Variants in KIF26B observed in about 807,000 individuals in gnomAD.
The protein encoded by KIF26B is kinesin family member 26B.
Under a neutral mutation model 151.2 loss-of-function variants are expected in KIF26B, and 63 were observed. That is an observed-to-expected ratio of 0.42 (90% CI 0.34 to 0.51). The LOEUF is 0.51. Among genes scored for constraint, KIF26B ranks in the 20% least tolerant of loss-of-function variants. KIF26B has a pLI of 0.07. For synonymous variants in KIF26B, 1,357 were observed against 1,262.1 expected (o/e 1.08, Z -1.59); for missense variants, 2,813 against 2,913.6 (o/e 0.97, Z 0.79).
intron 3 of KIF26B, among the ~76,000 whole-genome samples, chr1:245,407,129 A>G (rs1572046452): frequency 6.6e-6 from 1 of 152,122 alleles, no homozygotes; most frequent in Non-Finnish European, 1.5e-5. Context: ...AGGGTGGCTC[A>G]ATTTTGTGAC....
intron 3 of KIF26B, among the ~76,000 whole-genome samples, chr1:245,380,720 G>A (rs963354862): frequency 5.3e-5 from 8 of 152,110 alleles, no homozygotes; most frequent in African/African-American, 4.8e-5. Context: ...GAAGGGGACC[G>A]ATTCCTCAGA....
At chr1:245,534,194 G>T (rs534478089) in intron 4 of KIF26B, among the ~76,000 whole-genome samples, 1 of 151,152 alleles carries the variant, frequency 6.6e-6, no homozygotes, top group Non-Finnish European at 1.5e-5. Context: ...ACAGAGTCTC[G>T]TGCTGTCCCC....
At position 245,367,157 on chromosome 1, in the gene KIF26B, G is replaced by A; in HGVS notation, c.789G>A (p.Lys263=). The A allele has an allele frequency of 1.2e-6, 2 of 1,604,382 alleles. No homozygotes were observed. The highest frequency in any genetic ancestry group is 1.3e-5 in the African/African-American group (1 of 74,806). ...ATSNYTGFAN[K]HGSKPSSLGV... ...CCAACTACACAGGCTTCGCCAACAA[G>A]CACGGCAGCAAACCCAGCAGCCTTG... The change falls in exon 3 of 15, where the codon AAG becomes AAA. Residue 263 remains lysine (K), a synonymous_variant. Transcript: ENST00000407071. This position sits in a 1 kb window ranked among gnomAD's most constrained non-coding sequence, Gnocchi z 4.2.
chr1:245,240,956 G>A (rs928519998), intron 2 of KIF26B, among the ~76,000 whole-genome samples: 9 of 152,276 alleles, frequency 5.9e-5, no homozygotes, highest in Admixed American at 2.6e-4. Flanking sequence ...ACTCTGGCCC[G>A]GCCCAAGGTC....
At chr1:245,285,241 C>T (rs1671144460) in intron 2 of KIF26B, among the ~76,000 whole-genome samples, 1 of 152,102 alleles carries the variant, frequency 6.6e-6, no homozygotes, top group Non-Finnish European at 1.5e-5. Flanking sequence ...AGAATTTATT[C>T]CAAGAGTGCC....
In KIF26B at chr1:245,370,411, C is replaced by T. The variant is rs1245043499; in HGVS notation, c.999+3044C>T. Among the ~76,000 whole-genome samples, 5 of 152,188 alleles carry T rather than the reference C, an allele frequency of 3.3e-5. No homozygotes were observed. The East Asian group carries it at 5.8e-4, about 18-fold the overall frequency. On this transcript the variant is annotated intron_variant, in intron 3 of 14. Transcript: ENST00000407071. Reference sequence around the variant, plus strand: ...AAAACCGCAATGACTTTTGCACCCACCTAATATATAACCAAACATCAATTA... The same window carrying T: ...AAAACCGCAATGACTTTTGCACCCATCTAATATATAACCAAACATCAATTA...
intron 6 of KIF26B, among the ~76,000 whole-genome samples, chr1:245,605,797 G>A (rs183930812): frequency 1.1e-4 from 17 of 152,226 alleles, no homozygotes; most frequent in Non-Finnish European, 2.2e-4. Context: ...GTGGAGAGCC[G>A]GGTGGGAACT....
intron 9 of KIF26B, among the ~76,000 whole-genome samples, chr1:245,614,350 C>T (rs1382761786): frequency 5.9e-5 from 9 of 152,084 alleles, no homozygotes; most frequent in African/African-American, 1.9e-4. Flanking sequence ...AATTTTTGTA[C>T]GTTAAGTAGA....
Position 245,532,394 on chromosome 1 carries a change from C to A in KIF26B, c.1167-8373C>A, listed in dbSNP as rs191365403. On this transcript the variant is annotated intron_variant, in intron 4 of 14. Transcript: ENST00000407071. ...CCGAGTAGCTGGGACTACAGGCGCC[C>A]GCCACCATGCCCAGCTAATTTTTTG... Among the ~76,000 whole-genome samples, 842 of 151,674 alleles carry A rather than the reference C, an allele frequency of 5.6e-3. 11 individuals carry two copies. The highest frequency in any genetic ancestry group is 0.019 in the African/African-American group (770 of 41,392).
intron 2 of KIF26B, among the ~76,000 whole-genome samples, chr1:245,341,741 C>G (rs1208311127): frequency 6.6e-6 from 1 of 152,066 alleles, no homozygotes; most frequent in Non-Finnish European, 1.5e-5. Flanking sequence ...TTGAAAAGTT[C>G]CTTCATCTTT....
In KIF26B at chr1:245,688,242, CA is replaced by C; in HGVS notation, c.5263del (p.Thr1755ProfsTer121). On this transcript the variant is annotated frameshift_variant, in exon 12 of 15. Transcript: ENST00000407071. LOFTEE classifies it high-confidence loss of function. Reference protein sequence around the residue: ...RARGPSASTTKTLSFSTKSLP... With the variant: ...RARGPSASTTXTLSFSTKSLP... ...CGCGCGGCCCGTCCGCCTCCACCAC[CA>C]AAACCCTCAGCTTCTCCACCAAGTC... 1 of 1,591,700 alleles carries C rather than the reference CA, an allele frequency of 6.3e-7. No homozygotes were observed. The highest frequency in any genetic ancestry group is 8.5e-7 in the Non-Finnish European group (1 of 1,174,604).
In KIF26B at chr1:245,227,914, A is replaced by C. The variant is rs1327160428; in HGVS notation, c.465+71231A>C. Among the ~76,000 whole-genome samples the C allele has an allele frequency of 6.6e-6, 1 of 152,154 alleles. No individual in the cohort carries two copies. Among genetic ancestry groups the C allele is most frequent in the Admixed American group, 6.5e-5 (1 of 15,280 alleles). On this transcript the variant is annotated intron_variant, in intron 2 of 14. Coordinates refer to ENST00000407071, the MANE Select transcript of KIF26B (RefSeq NM_018012.4). The surrounding 1 kb of genome is among the most constrained non-coding windows in gnomAD (Gnocchi z 4.1). ...CTACTTAGGAGGCTGAGGCAGGAGAATCGCTTGAACCCGGGAGGCGGAGGT... is the reference window on the plus strand; with the variant it reads ...CTACTTAGGAGGCTGAGGCAGGAGACTCGCTTGAACCCGGGAGGCGGAGGT...
intron 2 of KIF26B, among the ~76,000 whole-genome samples, chr1:245,197,498 T>A (rs1669216533): frequency 1.3e-5 from 2 of 151,978 alleles, no homozygotes; most frequent in Admixed American, 6.6e-5. Flanking sequence ...TTTACACACA[T>A]CACACACACA....
At chr1:245,390,932 A>ACAAAC (rs1342189325) in intron 3 of KIF26B, among the ~76,000 whole-genome samples, 1 of 139,464 alleles carries the variant, frequency 7.2e-6, no homozygotes, top group African/African-American at 2.8e-5. Context: ...AAAAAAAAAA[A>ACAAAC]AAAAAAAAAA....
rs775923749 is a variant in KIF26B at position 245,419,752 on chromosome 1, G to A, written c.1166+7G>A. 6.2e-7 allele frequency: 1 copy of A among 1,606,682 alleles called. No homozygotes were observed. Among genetic ancestry groups the A allele is most frequent in the Non-Finnish European group, 8.5e-7 (1 of 1,176,204 alleles). ...CCGCCTCCTTCTTTGCACGGTAAGA[G>A]AGCTGTTCAGATCCTTGGTTCTTTC... On this transcript the variant is annotated splice_region_variant and intron_variant, in intron 4 of 14. Coordinates refer to ENST00000407071, the MANE Select transcript of KIF26B (RefSeq NM_018012.4).
intron 2 of KIF26B, among the ~76,000 whole-genome samples, chr1:245,294,292 C>T (rs1671301284): frequency 6.6e-6 from 1 of 152,192 alleles, no homozygotes; most frequent in African/African-American, 2.4e-5. Flanking sequence ...CCTCCCCTCC[C>T]TCTCTTATTC....
chr1:245,662,160 C>CA (rs2044152097), intron 10 of KIF26B, among the ~76,000 whole-genome samples: 1 of 150,130 alleles, frequency 6.7e-6, no homozygotes, highest in South Asian at 2.1e-4. Context: ...TATATATACC[C>CA]AATGACATAA....
At chr1:245,325,861 T>C (rs910367720) in intron 2 of KIF26B, among the ~76,000 whole-genome samples, 8 of 152,088 alleles carry the variant, frequency 5.3e-5, no homozygotes, top group Admixed American at 3.9e-4. Context: ...GTTTGTGACG[T>C]AGGTTTTCTG....
At chr1:245,428,989 T>TGGGGGGG (rs1558162150) in intron 4 of KIF26B, among the ~76,000 whole-genome samples, 2 of 81,828 alleles carry the variant, frequency 2.4e-5, no homozygotes, top group African/African-American at 4.5e-5. Flanking sequence ...GGGGCGGGGG[T>TGGGGGGG]GGGGGGCAGT....
Sources: allele counts gnomAD v4.1 joint callset (sites outside exome capture counted in the v4.1 genomes callset), GRCh38; gene constraint gnomAD v4.1.1; non-coding constraint Gnocchi (gnomAD v3.1); transcripts MANE v1.5; gene names NCBI Gene and HGNC (gene_info 2026-07-23, HGNC 2026-07-21).